FAM120B: variants seen among roughly 807,000 people sequenced by gnomAD.
FAM120B encodes the protein constitutive coactivator of peroxisome proliferator-activated receptor gamma.
Under a neutral mutation model 96.3 loss-of-function variants are expected in FAM120B, and 83 were observed. The observed-to-expected ratio is 0.86, with a 90% CI of 0.72 to 1.03. FAM120B has a LOEUF of 1.03. FAM120B is among the 50% of genes least tolerant of loss of function. The pLI is 0.00. For missense variants in FAM120B, 1,027 were observed against 1,121.2 expected, an observed-to-expected ratio of 0.92 and a Z score of 1.20; for synonymous variants, 407 against 402.7, an observed-to-expected ratio of 1.01 and a Z score of -0.13.
chr6:170,344,209 G>A (rs1320338309), intron 4 of FAM120B, among the ~76,000 whole-genome samples: 5 of 91,040 alleles, frequency 5.5e-5, no homozygotes, highest in African/African-American at 1.5e-4. Flanking sequence ...CGTTGCCTGC[G>A]GTGCTAGCCT....
At chr6:170,320,287 C>T (rs1785202474) in intron 2 of FAM120B, among the ~76,000 whole-genome samples, 2 of 152,094 alleles carry the variant, frequency 1.3e-5, no homozygotes, top group Non-Finnish European at 2.9e-5. Context: ...TGTGGTGATA[C>T]CTGGAGGGCA....
rs530959327 is a variant in FAM120B at position 170,406,508 on chromosome 6, C to G, written c.*1757C>G. The stretch of plus-strand genomic sequence containing the variant: ...ATCCTGAGTGTTTATTAAAAAGGGA[C>G]ATGGTCTCTAGGTATCTTATTACAT... On this transcript the variant is annotated 3_prime_UTR_variant, in exon 11 of 11. Transcript: ENST00000476287. 14 of 152,344 alleles carry G rather than the reference C, an allele frequency of 9.2e-5. No homozygotes were observed. The highest frequency in any genetic ancestry group is 7.2e-4 in the Admixed American group (11 of 15,300). 9.4% of individuals were successfully genotyped at this position (152,344 alleles called of 1,614,324 possible).
At chr6:170,353,270 C>A (rs990481114) in intron 5 of FAM120B, among the ~76,000 whole-genome samples, 1 of 150,856 alleles carries the variant, frequency 6.6e-6, no homozygotes, top group East Asian at 1.9e-4. Flanking sequence ...ACCAAACAAA[C>A]AAAAAAAAAT....
chr6:170,318,837 C>G lies in FAM120B; in HGVS notation c.1447C>G (p.Gln483Glu). The change falls in exon 2 of 11, where the codon CAA becomes GAA. Residue 483 changes from glutamine to glutamate, a missense_variant. Physicochemically the swap from Gln to Glu is conservative, Grantham distance 29. Around this residue, in one of 3 missense-constraint regions of FAM120B, gnomAD observed 880 missense variants for 980.9 expected, o/e 0.90. Coordinates refer to ENST00000476287, the MANE Select transcript of FAM120B (RefSeq NM_032448.3). Reference protein sequence around the residue: ...VPMYTGPESRQEVLIRTDPES... With the variant: ...VPMYTGPESREEVLIRTDPES... ...CATGTATACAGGCCCTGAATCCAGG[C>G]AAGAAGTTTTAATACGGACAGACCC... 1 of 1,614,206 alleles carries G rather than the reference C, an allele frequency of 6.2e-7. No homozygotes were observed. The highest frequency in any genetic ancestry group is 8.5e-7 in the Non-Finnish European group (1 of 1,180,046).
At chr6:170,296,324 G>C (rs957640429) in intron 1 of FAM120B, among the ~76,000 whole-genome samples, 2 of 152,156 alleles carry the variant, frequency 1.3e-5, no homozygotes, top group African/African-American at 4.8e-5. Flanking sequence ...GAGCGCACCT[G>C]AGGGCTTCCT....
rs758468497 is a variant in FAM120B, at chr6:170,317,541, T to C, written c.151T>C (p.Tyr51His). ...IVVDAMCCLRYWYTPESWICG... is the reference protein window; with the variant it reads ...IVVDAMCCLRHWYTPESWICG... ...GGTTGATGCCATGTGTTGTCTCAGA[T>C]ATTGGTATACTCCAGAATCTTGGAT... is the stretch of plus-strand genomic sequence containing the variant. Residue 51 changes from tyrosine to histidine, a missense_variant, in exon 2 of 11, where the codon TAT (tyrosine) becomes CAT (histidine). Physicochemically the swap from Tyr to His is moderately conservative, Grantham distance 83. Around this residue, in one of 3 missense-constraint regions of FAM120B, gnomAD observed 880 missense variants for 980.9 expected, o/e 0.90. Transcript: ENST00000476287. 1.2e-6 allele frequency: 2 copies of C among 1,614,246 alleles called. No homozygotes were observed. The highest frequency in any genetic ancestry group is 1.7e-6 in the Non-Finnish European group (2 of 1,180,038).
intron 6 of FAM120B, among the ~76,000 whole-genome samples, chr6:170,387,229 A>T (rs1790235420): frequency 6.6e-6 from 1 of 152,228 alleles, no homozygotes; most frequent in Non-Finnish European, 1.5e-5. Context: ...TTTTGATTAA[A>T]CCTAGATTAA....
chr6:170,333,298 T>G (rs1786188590), intron 4 of FAM120B, among the ~76,000 whole-genome samples: 1 of 152,044 alleles, frequency 6.6e-6, no homozygotes, highest in South Asian at 2.1e-4. Flanking sequence ...TTCTTCCGTG[T>G]GAAGGTGCCA....
intron 6 of FAM120B, among the ~76,000 whole-genome samples, chr6:170,381,143 T>C (rs534998835): frequency 2.0e-5 from 3 of 152,308 alleles, no homozygotes; most frequent in Admixed American, 6.5e-5. Flanking sequence ...GAACCACTTA[T>C]GCTCTGATGT....
At chr6:170,382,567 G>A (rs1304724171) in intron 6 of FAM120B, among the ~76,000 whole-genome samples, 1 of 152,128 alleles carries the variant, frequency 6.6e-6, no homozygotes, top group Admixed American at 6.6e-5. Flanking sequence ...TCACAAAAAT[G>A]AATTACCTGG....
At chr6:170,307,327 C>G (rs1784354958) in intron 1 of FAM120B, among the ~76,000 whole-genome samples, 1 of 152,206 alleles carries the variant, frequency 6.6e-6, no homozygotes, top group Admixed American at 6.5e-5. Context: ...ATCAGGGCCC[C>G]AGCTCTTGGG....
chr6:170,385,599 T>C (rs1272548842), intron 6 of FAM120B, among the ~76,000 whole-genome samples: 2 of 152,080 alleles, frequency 1.3e-5, no homozygotes, highest in Non-Finnish European at 2.9e-5. Flanking sequence ...CATGAGGTGG[T>C]TTCTTAACAA....
At chr6:170,316,696 G>T (rs1400150997) in intron 1 of FAM120B, among the ~76,000 whole-genome samples, 1 of 152,212 alleles carries the variant, frequency 6.6e-6, no homozygotes, top group South Asian at 2.1e-4. Context: ...TCAGGTGTAT[G>T]TGACACATGT....
chr6:170,311,717 A>G (rs1240317665), intron 1 of FAM120B, among the ~76,000 whole-genome samples: 1 of 152,234 alleles, frequency 6.6e-6, no homozygotes, highest in Non-Finnish European at 1.5e-5. Context: ...TCTTGTTCAT[A>G]GCTCAGTGAC....
At position 170,317,916 on chromosome 6, in the gene FAM120B, C is replaced by T. The variant is rs1321759534; in HGVS notation, c.526C>T (p.Leu176=). The change falls in exon 2 of 11, where the codon CTG becomes TTG. Residue 176 remains leucine (L), a synonymous_variant. Coordinates refer to ENST00000476287, the MANE Select transcript of FAM120B (RefSeq NM_032448.3). ...CCTCCAGCATAACTGTCTTGGGATT[C>T]TGGGGGAAGACACTGATTACCTAAT... ...YGLQHNCLGI[L]GEDTDYLIYD... 1.2e-5 allele frequency: 19 copies of T among 1,614,050 alleles called. No homozygotes were observed. In the Admixed American group the frequency reaches 2.8e-4, roughly 24 times the overall value.
chr6:170,378,203 C>CATTTATTT (rs1301905148), intron 6 of FAM120B, among the ~76,000 whole-genome samples: 5 of 152,152 alleles, frequency 3.3e-5, no homozygotes, highest in African/African-American at 9.7e-5. Flanking sequence ...ACGCTCTTGC[C>CATTTATTT]ATTTATTTAT....
chr6:170,352,716 A>G (rs1175216136), intron 5 of FAM120B, among the ~76,000 whole-genome samples: 17 of 151,964 alleles, frequency 1.1e-4, no homozygotes, highest in Non-Finnish European at 2.9e-5. Flanking sequence ...CAAAGAGACT[A>G]CTTACCAGAA....
chr6:170,368,824 G>GGC (rs1554287935), intron 6 of FAM120B, among the ~76,000 whole-genome samples: 130 of 112,792 alleles, frequency 1.2e-3, no homozygotes, highest in African/African-American at 1.9e-3. Context: ...CGGGGCTGGG[G>GGC]GGGGGGCTCC....
In FAM120B at chr6:170,344,431, C is replaced by T. The variant is rs1207456538; in HGVS notation, c.2018-3720C>T. On this transcript the variant is annotated intron_variant, in intron 4 of 10. Transcript: ENST00000476287. ...CCTGAGCAGCCCCACCTTGGAAGAA[C>T]GGATGAAATCGTTCAGTCCATTCAC... 4.8e-3 allele frequency among the ~76,000 whole-genome samples: 489 copies of T among 101,768 alleles called. 1 individual carries two copies. The highest frequency in any genetic ancestry group is 0.019 in the Middle Eastern group (4 of 214). 66.8% of individuals were successfully genotyped at this position (101,768 alleles called of 152,430 possible).
Sources: allele counts gnomAD v4.1 joint callset (sites outside exome capture counted in the v4.1 genomes callset), GRCh38; gene constraint gnomAD v4.1.1; regional missense constraint gnomAD v4.1.1; transcripts MANE v1.5; gene names NCBI Gene and HGNC (gene_info 2026-07-23, HGNC 2026-07-21).